The following PPM1E variants were observed in gnomAD, a reference collection of about 807,000 sequenced individuals.
The protein encoded by PPM1E is protein phosphatase, Mg2+/Mn2+ dependent 1E.
Under a neutral mutation model 65.9 loss-of-function variants are expected in PPM1E, and 20 were observed. The observed-to-expected ratio is 0.30, with a 90% CI of 0.21 to 0.44. The LOEUF (loss-of-function observed/expected upper bound fraction) is 0.44. Among genes scored for constraint, PPM1E ranks in the 20% least tolerant of loss-of-function variants. PPM1E has a pLI of 1.00. For missense variants in PPM1E, 713 were observed against 953.1 expected (o/e 0.75, Z 3.32); for synonymous variants, 352 against 374.9 (o/e 0.94, Z 0.70).
At chr17:58,872,899 C>T (rs2051086868) in intron 1 of PPM1E, among the ~76,000 whole-genome samples, 1 of 152,156 alleles carries the variant, frequency 6.6e-6, no homozygotes, top group Non-Finnish European at 1.5e-5. Context: ...TGTTACATTT[C>T]AAGGAAGACT....
At chr17:58,882,040 C>T (rs943052951) in intron 1 of PPM1E, among the ~76,000 whole-genome samples, 3 of 149,036 alleles carry the variant, frequency 2.0e-5, no homozygotes, top group Non-Finnish European at 4.5e-5. Context: ...GCTTGGTGGC[C>T]TGTGCCTGTA....
chr17:58,924,790 C>T (rs529224883), intron 1 of PPM1E, among the ~76,000 whole-genome samples: 2 of 149,290 alleles, frequency 1.3e-5, no homozygotes, highest in South Asian at 4.3e-4. Flanking sequence ...ATGTGTTCTC[C>T]TTGTTCAACT....
At chr17:58,866,718 C>T (rs541599218) in intron 1 of PPM1E, among the ~76,000 whole-genome samples, 29 of 152,218 alleles carry the variant, frequency 1.9e-4, no homozygotes, top group Middle Eastern at 3.4e-3. Flanking sequence ...CCTGGTATCC[C>T]CAAAAGCCAA....
intron 2 of PPM1E, among the ~76,000 whole-genome samples, chr17:58,959,555 C>T (rs1407449792): frequency 4.0e-5 from 6 of 148,214 alleles, no homozygotes; most frequent in South Asian, 2.1e-4. Context: ...GCTGAGATCA[C>T]GCCACTGTAC....
At chr17:58,949,927 A>G (rs190892112) in intron 1 of PPM1E, among the ~76,000 whole-genome samples, 20 of 152,258 alleles carry the variant, frequency 1.3e-4, no homozygotes, top group Non-Finnish European at 2.6e-4. Context: ...CTTTGACTAT[A>G]TCATCCCTTT....
intron 1 of PPM1E, among the ~76,000 whole-genome samples, chr17:58,880,515 A>C (rs1450381967): frequency 6.6e-6 from 1 of 152,208 alleles, no homozygotes; most frequent in East Asian, 1.9e-4. Flanking sequence ...ATATCTCCTG[A>C]ACATGTATGT....
intron 1 of PPM1E, among the ~76,000 whole-genome samples, chr17:58,829,177 G>C (rs972786801): frequency 2.6e-5 from 4 of 151,872 alleles, no homozygotes; most frequent in African/African-American, 7.3e-5. Context: ...TGAGTAGCTG[G>C]GATTACAGGC....
intron 1 of PPM1E, among the ~76,000 whole-genome samples, chr17:58,903,803 CTTG>C (rs1237829035): frequency 6.6e-6 from 1 of 152,164 alleles, no homozygotes; most frequent in East Asian, 1.9e-4. Flanking sequence ...ATGTTTACTT[CTTG>C]TTGTAAAAAA....
At chr17:58,827,914 T>C (rs34019240) in intron 1 of PPM1E, among the ~76,000 whole-genome samples, 3 of 107,676 alleles carry the variant, frequency 2.8e-5, no homozygotes, top group African/African-American at 1.1e-4. Flanking sequence ...AAAAAAAAAA[T>C]AATAATAATA....
At chr17:58,948,740 G>A (rs1598670293) in intron 1 of PPM1E, among the ~76,000 whole-genome samples, 1 of 152,126 alleles carries the variant, frequency 6.6e-6, no homozygotes, top group South Asian at 2.1e-4. Flanking sequence ...CAAGGAATTA[G>A]TCAATTTCCT....
intron 1 of PPM1E, among the ~76,000 whole-genome samples, chr17:58,955,047 T>A (rs911677052): frequency 6.6e-6 from 1 of 152,028 alleles, no homozygotes; most frequent in South Asian, 2.1e-4. Flanking sequence ...TCTCTGTCAT[T>A]GTATCCTGTT....
chr17:58,836,560 G>T lies in PPM1E; in HGVS notation c.464+80099G>T, dbSNP rs556221647. On this transcript the variant is annotated intron_variant, in intron 1 of 6. Transcript: ENST00000308249. ...GCTCACTGCAACCTCTGCCGCCCAG[G>T]TTCAAGCGATTCTTTTGCCTCAGCC... Among the ~76,000 whole-genome samples the T allele has an allele frequency of 2.6e-4, 39 of 151,142 alleles. No individual in the cohort carries two copies. The South Asian group carries it at 8.2e-3, about 32-fold the overall frequency.
chr17:58,977,988 C>T (rs1262994878), intron 6 of PPM1E, among the ~76,000 whole-genome samples: 1 of 152,188 alleles, frequency 6.6e-6, no homozygotes, highest in Admixed American at 6.5e-5. Context: ...AGTATCCTCC[C>T]GCCTTGGCCT....
intron 1 of PPM1E, among the ~76,000 whole-genome samples, chr17:58,776,561 G>A (rs532957127): frequency 2.6e-5 from 4 of 152,090 alleles, no homozygotes; most frequent in South Asian, 4.2e-4. Flanking sequence ...TGGTACACAG[G>A]AATAAAATAT....
chr17:58,937,528 C>T (rs2051999556), intron 1 of PPM1E, among the ~76,000 whole-genome samples: 1 of 147,588 alleles, frequency 6.8e-6, no homozygotes, highest in African/African-American at 2.5e-5. Flanking sequence ...TCCCAAAGTG[C>T]TGGGATTACA....
At chr17:58,955,874 G>T in intron 2 of PPM1E, 107 bp downstream of exon 2, 1 of 1,283,758 alleles carries the variant, frequency 7.8e-7, no homozygotes, top group Non-Finnish European at 1.0e-6. Flanking sequence ...TTTACCTGCT[G>T]GTTGTTTATG....
chr17:58,925,014 T>G (rs569652331), intron 1 of PPM1E, among the ~76,000 whole-genome samples: 1 of 152,290 alleles, frequency 6.6e-6, no homozygotes, highest in South Asian at 2.1e-4. Context: ...TCTTTGCTAT[T>G]GTAAATAGTG....
intron 1 of PPM1E, among the ~76,000 whole-genome samples, chr17:58,830,829 C>T (rs1233675569): frequency 6.6e-6 from 1 of 151,572 alleles, no homozygotes; most frequent in Admixed American, 6.6e-5. Context: ...GAACTATAAG[C>T]GTGTGCCACC....
chr17:58,893,967 G>A (rs1310433108), intron 1 of PPM1E, among the ~76,000 whole-genome samples: 1 of 151,932 alleles, frequency 6.6e-6, no homozygotes, highest in East Asian at 1.9e-4. Flanking sequence ...CCAGCTATTT[G>A]GGAGGCTGAA....
Sources: gnomAD v4.1 joint callset for allele counts (sites outside exome capture counted in the v4.1 genomes callset) on GRCh38, gnomAD v4.1.1 for gene constraint, MANE v1.5 for transcripts, NCBI Gene and HGNC (gene_info 2026-07-23, HGNC 2026-07-21) for gene names.